MYBPC3: variants seen among roughly 807,000 people sequenced by gnomAD.
MYBPC3 encodes myosin-binding protein C, cardiac-type.
Under a neutral mutation model 159.3 loss-of-function variants are expected in MYBPC3, and 108 were observed. That is an observed-to-expected ratio of 0.68 (90% confidence interval 0.58 to 0.80). The LOEUF is 0.80. Among genes scored for constraint, MYBPC3 ranks in the 30% least tolerant of loss-of-function variants. The pLI, the probability that MYBPC3 is intolerant of heterozygous loss-of-function variation, is 0.00. For missense variants in MYBPC3, 1,631 were observed against 1,762.1 expected, an observed-to-expected ratio of 0.93 and a Z score of 1.33; for synonymous variants, 730 against 702.0, an observed-to-expected ratio of 1.04 and a Z score of -0.63.
At chr11:47,336,523 A>G (rs2095882545) in intron 25 of MYBPC3, 1 of 152,560 alleles carries the variant, frequency 6.6e-6, no homozygotes, top group Admixed American at 6.6e-5. Flanking sequence ...ACTAAAACTA[A>G]AACTACAGAA....
rs2095878133 is a variant in MYBPC3 at position 47,332,498 on chromosome 11, C to T, written c.3627+68G>A. On this transcript the variant is annotated intron_variant, in intron 32 of 34. Coordinates refer to ENST00000545968, the MANE Select transcript of MYBPC3 (RefSeq NM_000256.3). This position sits in a 1 kb window ranked among gnomAD's most constrained non-coding sequence, Gnocchi z 4.2. ...CAGGGGAGACAGGCTGGGGAGAGGA[C>T]TGCTCAACGTCGGGGCCTGTGAGCC... is the stretch of plus-strand genomic sequence containing the variant. 1.3e-6 allele frequency: 2 copies of T among 1,560,264 alleles called. No homozygotes were observed. Among genetic ancestry groups the T allele is most frequent in the South Asian group, 2.4e-5 (2 of 83,174 alleles).
chr11:47,347,727 C>G (rs750501761), intron 7 of MYBPC3, 47 bp from the exon 8 acceptor site: 1 of 1,554,314 alleles, frequency 6.4e-7, no homozygotes, highest in Admixed American at 1.9e-5. Context: ...GAAGCTTGCT[C>G]TCCCCTGCAG....
In MYBPC3 at chr11:47,331,842, T is replaced by C. The variant is rs886048369; in HGVS notation, c.*26+3A>G. ...TGTGCCCTGGGTGTCGGGTGGTACA[T>C]ACCTGGCCATCCCCAGGAGCCAGCC... On this transcript the variant is annotated splice_donor_region_variant and intron_variant, in intron 34 of 34. Coordinates refer to ENST00000545968, the MANE Select transcript of MYBPC3 (RefSeq NM_000256.3). 1.2e-6 allele frequency: 2 copies of C among 1,605,028 alleles called. No individual in the cohort carries two copies. Among genetic ancestry groups the C allele is most frequent in the African/African-American group, 2.7e-5 (2 of 74,894 alleles).
In MYBPC3 at chr11:47,342,104, C is replaced by T. The variant is rs762369686; in HGVS notation, c.1677G>A (p.Lys559=). 6.8e-6 allele frequency: 11 copies of T among 1,614,006 alleles called. No individual in the cohort carries two copies. Among genetic ancestry groups the T allele is most frequent in the African/African-American group, 2.7e-5 (2 of 75,062 alleles). ...CCTCACATTTGAACACCGCCTGGTC[C>T]TTTGCGCCCACCATCAGGTCTGCGA... ...QSIADLMVGA[K]DQAVFKCEVS... is the part of the protein sequence containing the mutation. The change falls in exon 18 of 35, where the codon AAG becomes AAA. Residue 559 remains lysine (K), a synonymous_variant. Coordinates refer to ENST00000545968, the MANE Select transcript of MYBPC3 (RefSeq NM_000256.3).
At chr11:47,343,714 C>G (rs1397808561) in intron 12 of MYBPC3, 90 bp from the exon 13 acceptor site, 22 of 1,365,928 alleles carry the variant, frequency 1.6e-5, no homozygotes, top group Non-Finnish European at 2.1e-5. Flanking sequence ...GGGCCCAGGT[C>G]CCCCCCTCCA....
rs1053965064 is a variant in MYBPC3, at chr11:47,343,498, C to T, written c.1217G>A (p.Ser406Asn). The T allele has an allele frequency of 5.7e-6, 9 of 1,592,210 alleles. No homozygotes were observed. Among genetic ancestry groups the T allele is most frequent in the South Asian group, 1.1e-5 (1 of 87,444 alleles). Residue 406 changes from serine (S) to asparagine (N), a missense_variant, in exon 13 of 35, where the codon AGC becomes AAC. By Grantham distance (46) the Ser-to-Asn change is conservative (BLOSUM62 1). Coordinates refer to ENST00000545968, the MANE Select transcript of MYBPC3 (RefSeq NM_000256.3). The part of the protein sequence containing the change: ...WLKNGQEIQM[S>N]GSKYIFESIG... ...TCCCCACCCCAGGCTGCACCTGCCG[C>T]TCATCTGGATCTCCTGGCCATTCTT...
intron 22 of MYBPC3, 141 bp downstream of exon 22, chr11:47,339,183 C>A: frequency 1.2e-6 from 1 of 869,116 alleles, no homozygotes; most frequent in South Asian, 1.4e-5. Context: ...GTGTGAGGGC[C>A]CCACAGGGAC....
chr11:47,340,758 C>T (rs544954105), intron 20 of MYBPC3, among the ~76,000 whole-genome samples: 1 of 152,326 alleles, frequency 6.6e-6, no homozygotes, highest in South Asian at 2.1e-4. Flanking sequence ...TCTGATACAT[C>T]ATGTCACCTC....
Position 47,332,122 on chromosome 11 carries a change from G to C in MYBPC3, c.3764C>G (p.Ala1255Gly), listed in dbSNP as rs727504722. ...CCGTGCCTCGCCCTGTAAGTTGGTG[G>C]CCCTGCAGACATAGATGCCCCCGTC... ...PFDGGIYVCR[A>G]TNLQGEARCE... Residue 1255 changes from alanine (A) to glycine (G), a missense_variant, in exon 33 of 35, where the codon GCC becomes GGC. Ala to Gly is a moderately conservative substitution (Grantham distance 60, BLOSUM62 0). Transcript: ENST00000545968. This position sits in a 1 kb window ranked among gnomAD's most constrained non-coding sequence, Gnocchi z 4.2. 6.2e-7 allele frequency: 1 copy of C among 1,613,620 alleles called. No homozygotes were observed.
rs1253389732 is a variant in MYBPC3, at chr11:47,342,687, C to G, written c.1515G>C (p.Lys505Asn). 1 of 1,613,986 alleles carries G rather than the reference C, an allele frequency of 6.2e-7. No homozygotes were observed. Among genetic ancestry groups the G allele is most frequent in the South Asian group, 1.1e-5 (1 of 91,084 alleles). ...TGATCAGGTGGTGTCTCTGCCCGTCCTTCTTGAACCGGTATTTGAAGGTCT... is the reference window on the plus strand; with the variant it reads ...TGATCAGGTGGTGTCTCTGCCCGTCGTTCTTGAACCGGTATTTGAAGGTCT... ...REETFKYRFKKDGQRHHLIIN... is the reference protein window; with the variant it reads ...REETFKYRFKNDGQRHHLIIN... Residue 505 changes from lysine to asparagine, a missense_variant, in exon 17 of 35, where the codon AAG becomes AAC. By Grantham distance (94) the Lys-to-Asn change is moderately conservative. Coordinates refer to ENST00000545968, the MANE Select transcript of MYBPC3 (RefSeq NM_000256.3).
chr11:47,339,613 T>C, intron 21 of MYBPC3, 38 bp downstream of exon 21: 1 of 1,535,732 alleles, frequency 6.5e-7, no homozygotes, highest in Non-Finnish European at 8.8e-7. Context: ...CACACACCCA[T>C]CTTATAGATG....
rs367992212 is a variant in MYBPC3, at chr11:47,339,662, C to T, written c.2056G>A (p.Ala686Thr). The T allele has an allele frequency of 1.2e-6, 2 of 1,603,148 alleles. No homozygotes were observed. Among genetic ancestry groups the T allele is most frequent in the East Asian group, 2.2e-5 (1 of 44,554 alleles). The part of the protein sequence containing the change: ...DPAPTVIWQK[A>T]ITQGNKAPAR... ...GGGACCCACAGTACCTGCGTGATAG[C>T]CTTCTGCCAGATCACAGTGGGAGCA... Residue 686 changes from alanine to threonine, a missense_variant, in exon 21 of 35, where the codon GCT becomes ACT. Ala to Thr is a moderately conservative substitution (Grantham distance 58). Transcript: ENST00000545968.
rs727504287 is a variant in MYBPC3 at position 47,342,686 on chromosome 11, CCTT to C, written c.1513_1515del (p.Lys505del). ...ATGATCAGGTGGTGTCTCTGCCCGT[CCTT>C]CTTGAACCGGTATTTGAAGGTCTCC... On this transcript the variant is annotated inframe_deletion, in exon 17 of 35. Coordinates refer to ENST00000545968, the MANE Select transcript of MYBPC3 (RefSeq NM_000256.3). The C allele has an allele frequency of 9.9e-6, 16 of 1,613,944 alleles. No individual in the cohort carries two copies. Among genetic ancestry groups the C allele is most frequent in the Admixed American group, 6.7e-5 (4 of 60,006 alleles).
intron 17 of MYBPC3, 97 bp from the exon 18 acceptor site, chr11:47,342,253 C>T (rs2095889471): frequency 7.6e-6 from 11 of 1,444,788 alleles, no homozygotes; most frequent in Admixed American, 4.4e-5. Flanking sequence ...CTGGTGCGCA[C>T]GTGTCTGGGT....
intron 12 of MYBPC3, among the ~76,000 whole-genome samples, chr11:47,345,801 T>C (rs931203414): frequency 6.6e-6 from 1 of 152,206 alleles, no homozygotes; most frequent in Non-Finnish European, 1.5e-5. Context: ...CCTTTTCTTT[T>C]GGGTGTGGAG....
rs397515958 is a variant in MYBPC3, at chr11:47,337,814, C to T, written c.2309-20G>A. 6.5e-7 allele frequency: 1 copy of T among 1,544,226 alleles called. No homozygotes were observed. The highest frequency in any genetic ancestry group is 8.8e-7 in the Non-Finnish European group (1 of 1,142,382). On this transcript the variant is annotated intron_variant, in intron 23 of 34. Transcript: ENST00000545968. Reference sequence around the variant, plus strand: ...GCACGTCTGGATGGGGTGGGATGGACCCACATCAGCCCTGCCCCGCTCAGG... The same window carrying T: ...GCACGTCTGGATGGGGTGGGATGGATCCACATCAGCCCTGCCCCGCTCAGG...
chr11:47,340,480 T>A (rs923336963), intron 20 of MYBPC3, among the ~76,000 whole-genome samples: 1 of 152,060 alleles, frequency 6.6e-6, no homozygotes, highest in Non-Finnish European at 1.5e-5. Context: ...CTGGCTAACA[T>A]GGTGAAACCC....
At chr11:47,331,950 G>C in intron 33 of MYBPC3, 69 bp from the exon 34 acceptor site, 1 of 1,595,710 alleles carries the variant, frequency 6.3e-7, no homozygotes, top group Non-Finnish European at 8.5e-7. Context: ...TCTGGGCGTG[G>C]CAGGGTCCGT....
At chr11:47,347,203 T>G (rs958475655) in intron 9 of MYBPC3, 174 bp from the exon 10 acceptor site, 1 of 985,102 alleles carries the variant, frequency 1.0e-6, no homozygotes, top group Non-Finnish European at 1.2e-6. Context: ...GCCTCAAGTG[T>G]GGAGTGGCCG....
Sources: allele counts gnomAD v4.1 joint callset (sites outside exome capture counted in the v4.1 genomes callset), GRCh38; gene constraint gnomAD v4.1.1; non-coding constraint Gnocchi (gnomAD v3.1); transcripts MANE v1.5; gene names NCBI Gene and HGNC (gene_info 2026-07-23, HGNC 2026-07-21).